CSMD1: variants seen among roughly 807,000 people sequenced by gnomAD.
CSMD1 encodes the protein CUB and Sushi multiple domains 1.
In CSMD1, 213 loss-of-function variants were observed where a neutral mutation model predicts 417.5. The observed-to-expected ratio is 0.51, with a 90% CI of 0.46 to 0.57. The LOEUF (loss-of-function observed/expected upper bound fraction) is 0.57. Ranked by LOEUF, CSMD1 falls within the 20% of genes least tolerant of loss-of-function variation. The pLI is 0.00. For missense variants in CSMD1, 6,923 were observed against 4,529.7 expected, an observed-to-expected ratio of 1.53 and a Z score of -15.17; for synonymous variants, 2,862 against 1,736.8, an observed-to-expected ratio of 1.65 and a Z score of -16.11.
intron 5 of CSMD1, among the ~76,000 whole-genome samples, chr8:3,871,936 A>C (rs907140097): frequency 6.6e-6 from 1 of 152,220 alleles, no homozygotes. Context: ...TCTTCTGAAA[A>C]ACACAGCCTA....
intron 6 of CSMD1, among the ~76,000 whole-genome samples, chr8:3,723,671 C>CT (rs1344930439): frequency 1.3e-5 from 2 of 151,826 alleles, no homozygotes; most frequent in South Asian, 4.2e-4. Context: ...AACTTAAAGA[C>CT]TTTTTTTGGT....
intron 14 of CSMD1, among the ~76,000 whole-genome samples, chr8:3,407,632 C>G (rs953701799): frequency 1.3e-5 from 2 of 151,916 alleles, no homozygotes; most frequent in African/African-American, 4.8e-5. Context: ...AATGGAAAAC[C>G]GGAGAGAAAG....
intron 2 of CSMD1, among the ~76,000 whole-genome samples, chr8:4,491,246 G>C (rs1165983831): frequency 1.3e-5 from 2 of 152,094 alleles, no homozygotes; most frequent in Non-Finnish European, 2.9e-5. Flanking sequence ...AAAGAAGAAA[G>C]AAATGAATTT....
chr8:3,499,193 G>A (rs1252945074), intron 10 of CSMD1, among the ~76,000 whole-genome samples: 1 of 152,130 alleles, frequency 6.6e-6, no homozygotes, highest in Non-Finnish European at 1.5e-5. Flanking sequence ...GTTGGGTAGG[G>A]TGCTTTGGTT....
intron 5 of CSMD1, among the ~76,000 whole-genome samples, chr8:3,909,804 C>T (rs776572269): frequency 1.3e-5 from 2 of 152,088 alleles, no homozygotes; most frequent in Non-Finnish European, 2.9e-5. Flanking sequence ...TAATTCTCAT[C>T]ACAATTTTGC....
chr8:4,755,412 G>T (rs140031455), intron 1 of CSMD1, among the ~76,000 whole-genome samples: 372 of 152,182 alleles, frequency 2.4e-3, no homozygotes, highest in African/African-American at 8.5e-3. Flanking sequence ...TGGTTCTGAT[G>T]ACTTCAAGTA....
intron 7 of CSMD1, among the ~76,000 whole-genome samples, chr8:3,681,474 G>C (rs1339204490): frequency 6.6e-6 from 1 of 152,114 alleles, no homozygotes; most frequent in Non-Finnish European, 1.5e-5. Context: ...TAGGAATCCA[G>C]CTTACAAGGG....
chr8:4,543,716 C>A (rs1797509184), intron 2 of CSMD1, among the ~76,000 whole-genome samples: 2 of 132,192 alleles, frequency 1.5e-5, no homozygotes, highest in Admixed American at 8.1e-5. Context: ...ACCAAAGTGT[C>A]TTCCAAACGG....
At chr8:2,938,921 T>C (rs1478411123) in intron 69 of CSMD1, among the ~76,000 whole-genome samples, 177 bp from the exon 70 acceptor site, 2 of 152,302 alleles carry the variant, frequency 1.3e-5, no homozygotes, top group Non-Finnish European at 1.5e-5. Context: ...AAATTGGTGA[T>C]TGGGAGTATA....
At chr8:4,179,451 G>A (rs887630961) in intron 3 of CSMD1, among the ~76,000 whole-genome samples, 17 of 151,800 alleles carry the variant, frequency 1.1e-4, no homozygotes, top group Admixed American at 2.6e-4. Flanking sequence ...AGACTTAAAC[G>A]TTAGACCTAA....
chr8:4,229,191 C>T (rs1369352885), intron 3 of CSMD1, among the ~76,000 whole-genome samples: 6 of 152,170 alleles, frequency 3.9e-5, no homozygotes, highest in African/African-American at 1.4e-4. Flanking sequence ...TTGTATTCCT[C>T]CTTTTCTGTC....
chr8:3,315,371 T>G (rs1027127492), intron 23 of CSMD1, among the ~76,000 whole-genome samples: 1 of 151,582 alleles, frequency 6.6e-6, no homozygotes, highest in African/African-American at 2.4e-5. Context: ...TTTCCTGAAA[T>G]GTGTGATTGT....
chr8:3,516,692 T>A (rs949446546), intron 10 of CSMD1, among the ~76,000 whole-genome samples: 4 of 152,184 alleles, frequency 2.6e-5, no homozygotes, highest in African/African-American at 4.8e-5. Context: ...TTTGGTTACA[T>A]GAGAAAGTTC....
chr8:3,713,145 G>A (rs570110164), intron 6 of CSMD1, among the ~76,000 whole-genome samples: 2 of 152,100 alleles, frequency 1.3e-5, no homozygotes, highest in South Asian at 4.2e-4. Flanking sequence ...TTAGTTTAAG[G>A]GCTGAAAAAT....
chr8:3,979,750 A>T (rs565300786), intron 5 of CSMD1, among the ~76,000 whole-genome samples: 38 of 152,344 alleles, frequency 2.5e-4, no homozygotes, highest in Admixed American at 4.6e-4. Context: ...CTAGCCTCAG[A>T]ACTGTGAGAA....
intron 1 of CSMD1, among the ~76,000 whole-genome samples, chr8:4,937,454 A>T (rs1807698516): frequency 6.6e-6 from 1 of 152,212 alleles, no homozygotes; most frequent in Admixed American, 6.5e-5. Flanking sequence ...GAGTAATACT[A>T]AGGCAAGGTA....
At chr8:4,423,640 T>TA (rs1797377472) in intron 2 of CSMD1, among the ~76,000 whole-genome samples, 1 of 152,030 alleles carries the variant, frequency 6.6e-6, no homozygotes, top group Non-Finnish European at 1.5e-5. Context: ...TCCAAACTGA[T>TA]ACACAGGTTT....
chr8:4,641,790 T>C (rs1585378374), intron 1 of CSMD1, among the ~76,000 whole-genome samples: 1 of 151,888 alleles, frequency 6.6e-6, no homozygotes, highest in Non-Finnish European at 1.5e-5. Flanking sequence ...ATTCGGAAAA[T>C]CTAGATATGT....
chr8:3,188,868 G>A lies in CSMD1; in HGVS notation c.5523+19C>T, dbSNP rs1716950728. ...CCCCAGCTGAGCCCTGTTGTAGACT[G>A]TGGACTTCAAGGACTCACCTGAATT... On this transcript the variant is annotated intron_variant, in intron 35 of 69. Coordinates refer to ENST00000635120, the MANE Select transcript of CSMD1 (RefSeq NM_033225.6). The A allele has an allele frequency of 2.6e-6, 4 of 1,546,482 alleles. No individual in the cohort carries two copies. Among genetic ancestry groups the A allele is most frequent in the Non-Finnish European group, 2.6e-6 (3 of 1,144,166 alleles).
Sources: allele counts gnomAD v4.1 joint callset (sites outside exome capture counted in the v4.1 genomes callset), GRCh38; gene constraint gnomAD v4.1.1; transcripts MANE v1.5; gene names NCBI Gene and HGNC (gene_info 2026-07-23, HGNC 2026-07-21).